CLMN: variants seen among roughly 807,000 people sequenced by gnomAD.
CLMN encodes the protein calmin (calponin-like, transmembrane).
In CLMN, 57 loss-of-function variants were observed where a neutral mutation model predicts 92.7. The observed-to-expected ratio is 0.61, with a 90% CI of 0.50 to 0.77. CLMN has a LOEUF of 0.77. Ranked by LOEUF, CLMN falls within the 30% of genes least tolerant of loss-of-function variation. The pLI is 0.00. For synonymous variants in CLMN, 466 were observed against 470.6 expected (o/e 0.99, Z 0.13); for missense variants, 1,158 against 1,237.5 (o/e 0.94, Z 0.96).
intron 1 of CLMN, among the ~76,000 whole-genome samples, chr14:95,235,110 T>TTC (rs1160666930): frequency 2.0e-4 from 30 of 148,766 alleles, no homozygotes; most frequent in African/African-American, 6.6e-4. Context: ...CTCTCTCTCT[T>TTC]TCTCTCTCTC....
chr14:95,245,867 C>CATGG (rs146057054), intron 1 of CLMN, among the ~76,000 whole-genome samples: 23 of 131,188 alleles, frequency 1.8e-4, no homozygotes, highest in South Asian at 2.7e-4. Flanking sequence ...TGGATGGATG[C>CATGG]ATGGATGGAT....
chr14:95,242,661 C>T (rs959227733), intron 1 of CLMN, among the ~76,000 whole-genome samples: 2 of 150,712 alleles, frequency 1.3e-5, no homozygotes, highest in African/African-American at 4.9e-5. Context: ...TCCACCTCCA[C>T]AGTTCAAGTG....
intron 6 of CLMN, among the ~76,000 whole-genome samples, chr14:95,212,844 G>C (rs866153801): frequency 2.7e-5 from 4 of 149,012 alleles, no homozygotes; most frequent in South Asian, 4.2e-4. Context: ...GGAATGCAGT[G>C]GAGTGAACTC....
At chr14:95,210,263 G>A (rs558146018) in intron 7 of CLMN, among the ~76,000 whole-genome samples, 6 of 151,808 alleles carry the variant, frequency 4.0e-5, no homozygotes, top group Admixed American at 3.9e-4. Context: ...TGTTGGCCAG[G>A]CTGGTCTCGA....
chr14:95,225,154 C>CA (rs200153974), intron 2 of CLMN, among the ~76,000 whole-genome samples: 45,085 of 141,810 alleles, frequency 0.32, 7,259 homozygotes, highest in Non-Finnish European at 0.39. Context: ...AAAGTTGTAC[C>CA]AAAAAAAAAA....
chr14:95,278,105 T>G (rs1900002717), intron 1 of CLMN, among the ~76,000 whole-genome samples: 1 of 152,216 alleles, frequency 6.6e-6, no homozygotes, highest in Non-Finnish European at 1.5e-5. Context: ...ATTCTAAATC[T>G]CATTTTAAAA....
intron 1 of CLMN, among the ~76,000 whole-genome samples, chr14:95,245,869 T>C: frequency 1.1e-5 from 1 of 90,280 alleles, no homozygotes; most frequent in African/African-American, 7.4e-5. Context: ...GATGGATGCA[T>C]GGATGGATGG....
chr14:95,255,271 G>A (rs1181412423), intron 1 of CLMN, among the ~76,000 whole-genome samples: 1 of 152,206 alleles, frequency 6.6e-6, no homozygotes, highest in Non-Finnish European at 1.5e-5. Flanking sequence ...GGGTACAGTA[G>A]TTCCCCCCAT....
rs971839213 is a variant in CLMN, at chr14:95,285,865, A to G, written c.82+33846T>C. Among the ~76,000 whole-genome samples the G allele has an allele frequency of 3.0e-4, 46 of 151,798 alleles. 1 individual carries two copies. Among genetic ancestry groups the G allele is most frequent in the African/African-American group, 1.1e-3 (44 of 41,308 alleles). ...CCACAGCAGGCATTGTTAATCAACC[A>G]CGGCACTCTTTCCCACCCATCCCAG... On this transcript the variant is annotated intron_variant, in intron 1 of 12. Coordinates refer to ENST00000298912, the MANE Select transcript of CLMN (RefSeq NM_024734.4).
intron 6 of CLMN, among the ~76,000 whole-genome samples, chr14:95,212,808 T>C (rs867589644): frequency 6.7e-6 from 1 of 149,560 alleles, no homozygotes; most frequent in Non-Finnish European, 1.5e-5. Context: ...TTTTTTGAGA[T>C]GTTGTCTCGC....
chr14:95,193,178 A>G, intron 12 of CLMN: 1 of 595,190 alleles, frequency 1.7e-6, no homozygotes, highest in Non-Finnish European at 3.0e-6. Flanking sequence ...AAGCAACTCT[A>G]TGACTTCAAC....
At chr14:95,213,095 G>T in intron 6 of CLMN, 124 bp downstream of exon 6, 1 of 1,089,666 alleles carries the variant, frequency 9.2e-7, no homozygotes, top group Non-Finnish European at 1.3e-6. Context: ...CCCCTGTTCT[G>T]ATATTCTATA....
At chr14:95,284,868 G>A (rs543095693) in intron 1 of CLMN, among the ~76,000 whole-genome samples, 1 of 152,154 alleles carries the variant, frequency 6.6e-6, no homozygotes, top group South Asian at 2.1e-4. Flanking sequence ...GGCTTTGGGG[G>A]ACTGTTGGGA....
At chr14:95,319,499 C>T (rs146794758) in intron 1 of CLMN, among the ~76,000 whole-genome samples, 1,529 of 152,288 alleles carry the variant, frequency 0.01, 10 homozygotes, top group Non-Finnish European at 0.015. Context: ...GTGTGGCGCC[C>T]CACCCCCTGG....
In CLMN at chr14:95,319,835, C is replaced by A. The variant is rs1347609199; in HGVS notation, c.-43G>T. On this transcript the variant is annotated 5_prime_UTR_variant, in exon 1 of 13. Transcript: ENST00000298912. ...GCCCGGGCCAGCGCGGCGCGGGCGG[C>A]GGGCGCGGAGAGCCTGGCTGGCGGG... 4.8e-6 allele frequency: 6 copies of A among 1,244,008 alleles called. No individual in the cohort carries two copies. In the African/African-American group the frequency reaches 9.8e-5, roughly 20 times the overall value. 77.1% of individuals were successfully genotyped at this position (1,244,008 alleles called of 1,614,324 possible). A position where few individuals can be genotyped will look rare whatever the true frequency, so the allele number is the denominator to read the frequency against.
chr14:95,239,208 T>C (rs144333345), intron 1 of CLMN, among the ~76,000 whole-genome samples: 133 of 152,318 alleles, frequency 8.7e-4, no homozygotes, highest in Middle Eastern at 3.4e-3. Context: ...GAAATAGTAC[T>C]GAACACATCA....
At chr14:95,230,170 G>C (rs761815484) in intron 1 of CLMN, 37 bp from the exon 2 acceptor site, 3 of 1,592,068 alleles carry the variant, frequency 1.9e-6, no homozygotes, top group Non-Finnish European at 1.7e-6. Context: ...GGGAGAATAA[G>C]AAGTATGTGC....
At chr14:95,238,867 C>T (rs1898148065) in intron 1 of CLMN, among the ~76,000 whole-genome samples, 1 of 152,234 alleles carries the variant, frequency 6.6e-6, no homozygotes, top group South Asian at 2.1e-4. Flanking sequence ...CCATGCCCCG[C>T]TTCTCAGCTG....
intron 1 of CLMN, among the ~76,000 whole-genome samples, chr14:95,236,712 C>T (rs1898069281): frequency 6.6e-6 from 1 of 152,226 alleles, no homozygotes; most frequent in South Asian, 2.1e-4. Context: ...GTTTCAGCAA[C>T]AGGAGGGCTC....
Sources: allele counts gnomAD v4.1 joint callset (sites outside exome capture counted in the v4.1 genomes callset), GRCh38; gene constraint gnomAD v4.1.1; transcripts MANE v1.5; gene names NCBI Gene and HGNC (gene_info 2026-07-23, HGNC 2026-07-21).